Variants in AK4 observed in about 807,000 individuals in gnomAD.
AK4 encodes the protein adenylate kinase 4, mitochondrial.
In AK4, 13 loss-of-function variants were observed where a neutral mutation model predicts 24.6. The observed-to-expected ratio is 0.53, with a 90% CI of 0.34 to 0.84. The LOEUF (loss-of-function observed/expected upper bound fraction) is 0.84, where lower values mean the gene tolerates loss of function less well. AK4 is among the 40% of genes least tolerant of loss of function. The pLI, the probability that AK4 is intolerant of heterozygous loss-of-function variation, is 0.01. For synonymous variants in AK4, 88 were observed against 107.0 expected (o/e 0.82, Z 1.10); for missense variants, 192 against 288.2 (o/e 0.67, Z 2.42).
At chr1:65,187,769 T>C (rs1651153393) in intron 1 of AK4, among the ~76,000 whole-genome samples, 1 of 152,220 alleles carries the variant, frequency 6.6e-6, no homozygotes, top group Admixed American at 6.5e-5. Flanking sequence ...GGTTTAAATA[T>C]CTGTAAGCTG....
intron 1 of AK4, among the ~76,000 whole-genome samples, chr1:65,169,420 G>C (rs1055735953): frequency 6.6e-6 from 1 of 152,012 alleles, no homozygotes; most frequent in Non-Finnish European, 1.5e-5. Flanking sequence ...AAGAGTGTAG[G>C]CTCTGGATTT....
intron 2 of AK4, among the ~76,000 whole-genome samples, chr1:65,192,088 T>C (rs896261110): frequency 2.6e-5 from 4 of 152,230 alleles, no homozygotes; most frequent in African/African-American, 4.8e-5. Flanking sequence ...ACTCTACTTT[T>C]AACTCACAGA....
In AK4 at chr1:65,178,110, A is replaced by C. The variant is rs79113072; in HGVS notation, c.146-12600A>C. 9.7e-3 allele frequency among the ~76,000 whole-genome samples: 1,475 copies of C among 152,192 alleles called. 25 individuals carry two copies. Among genetic ancestry groups the C allele is most frequent in the African/African-American group, 0.034 (1,419 of 41,528 alleles). ...TCTAATAATTTGTAGGGTCCTGTGG[A>C]TGGGAAGGTGGAAGAGTTCAAAGGT... On this transcript the variant is annotated intron_variant, in intron 1 of 4. Transcript: ENST00000327299.
intron 1 of AK4, among the ~76,000 whole-genome samples, chr1:65,183,657 G>A (rs1384160814): frequency 3.0e-5 from 1 of 32,896 alleles, no homozygotes; most frequent in African/African-American, 9.5e-5. Flanking sequence ...ATCCGTGTGT[G>A]TGTGTGTGTG....
At chr1:65,171,406 C>T (rs368253908) in intron 1 of AK4, among the ~76,000 whole-genome samples, 35 of 146,526 alleles carry the variant, frequency 2.4e-4, no homozygotes, top group South Asian at 1.8e-3. Flanking sequence ...CCTCCCTGGT[C>T]AAGCGATTCT....
At chr1:65,211,956 G>A (rs1651984505) in intron 2 of AK4, among the ~76,000 whole-genome samples, 2 of 152,338 alleles carry the variant, frequency 1.3e-5, no homozygotes, top group East Asian at 3.9e-4. Context: ...CACCACTGGA[G>A]CCAAGATTTG....
intron 2 of AK4, among the ~76,000 whole-genome samples, chr1:65,200,155 C>T (rs1482366630): frequency 4.0e-5 from 5 of 125,782 alleles, no homozygotes; most frequent in African/African-American, 1.5e-4. Flanking sequence ...TTTTTGCTGC[C>T]CAGGCTGGAG....
At chr1:65,175,775 C>T (rs76976365) in intron 1 of AK4, among the ~76,000 whole-genome samples, 250 of 152,276 alleles carry the variant, frequency 1.6e-3, no homozygotes, top group Non-Finnish European at 2.8e-3. Context: ...GACGGTTAAA[C>T]ATTCTGGGTT....
chr1:65,174,976 G>C (rs1005132862), intron 1 of AK4, among the ~76,000 whole-genome samples: 2 of 152,044 alleles, frequency 1.3e-5, no homozygotes, highest in African/African-American at 4.8e-5. Context: ...TGTGCTCCAT[G>C]GTAGGAATTA....
chr1:65,157,164 A>G (rs963196448), intron 1 of AK4, among the ~76,000 whole-genome samples: 3 of 152,158 alleles, frequency 2.0e-5, no homozygotes, highest in Non-Finnish European at 4.4e-5. Flanking sequence ...TGTTTTGGTT[A>G]AAGTATTTGA....
At chr1:65,153,755 A>T (rs1300010112) in intron 1 of AK4, among the ~76,000 whole-genome samples, 1 of 152,196 alleles carries the variant, frequency 6.6e-6, no homozygotes, top group Non-Finnish European at 1.5e-5. Flanking sequence ...AGGCCTCTCC[A>T]GGAGGTGAAT....
chr1:65,215,176 C>CT (rs1553127383), intron 2 of AK4, among the ~76,000 whole-genome samples: 1,514 of 114,650 alleles, frequency 0.013, 25 homozygotes, highest in African/African-American at 0.037. Context: ...TTCTTTCTTT[C>CT]TTTTTTTTTT....
intron 1 of AK4, among the ~76,000 whole-genome samples, chr1:65,155,564 T>A (rs945165527): frequency 2.6e-5 from 4 of 152,204 alleles, no homozygotes; most frequent in Non-Finnish European, 2.9e-5. Context: ...AGAAATAATA[T>A]GTATAAGTTA....
chr1:65,209,973 AATTTTAAATT>A (rs1251715722), intron 2 of AK4, among the ~76,000 whole-genome samples: 5 of 151,930 alleles, frequency 3.3e-5, no homozygotes, highest in Non-Finnish European at 7.4e-5. Context: ...ATGCCTGGCT[AATTTTAAATT>A]ATTTTGTAGA....
At chr1:65,225,849 C>G (rs1023131043) in intron 4 of AK4, among the ~76,000 whole-genome samples, 2 of 152,130 alleles carry the variant, frequency 1.3e-5, no homozygotes, top group Non-Finnish European at 2.9e-5. Context: ...AAAAAGGTGG[C>G]ATCATGACAA....
At chr1:65,159,671 C>T (rs1650090005) in intron 1 of AK4, among the ~76,000 whole-genome samples, 1 of 149,142 alleles carries the variant, frequency 6.7e-6, no homozygotes, top group African/African-American at 2.5e-5. Flanking sequence ...AAAACCTTCT[C>T]AAAAAGAAAA....
At chr1:65,199,409 C>T (rs866886937) in intron 2 of AK4, among the ~76,000 whole-genome samples, 4 of 151,882 alleles carry the variant, frequency 2.6e-5, no homozygotes, top group African/African-American at 4.8e-5. Flanking sequence ...ATTAGCTGTG[C>T]GTGGTGGTGG....
chr1:65,230,479 C>G lies in AK4; in HGVS notation c.*4302C>G, dbSNP rs1445690393. On this transcript the variant is annotated 3_prime_UTR_variant, in exon 5 of 5. Transcript: ENST00000327299. ...AATACCACATATTTCCAAGTGTGTT[C>G]AGGTATAGGCACTAGGTACTGTCTG... 1.3e-5 allele frequency: 2 copies of G among 152,136 alleles called. No homozygotes were observed. Among genetic ancestry groups the G allele is most frequent in the African/African-American group, 4.8e-5 (2 of 41,410 alleles). 9.4% of individuals were successfully genotyped at this position (152,136 alleles called of 1,614,324 possible). A position where few individuals can be genotyped will look rare whatever the true frequency, so the allele number is the denominator to read the frequency against.
At chr1:65,173,679 T>C (rs2101013977) in intron 1 of AK4, among the ~76,000 whole-genome samples, 1 of 152,142 alleles carries the variant, frequency 6.6e-6, no homozygotes, top group South Asian at 2.1e-4. Flanking sequence ...CTGGGCGGCA[T>C]GGTGGAACCT....
Sources: allele counts gnomAD v4.1 joint callset (sites outside exome capture counted in the v4.1 genomes callset), GRCh38; gene constraint gnomAD v4.1.1; transcripts MANE v1.5; gene names NCBI Gene and HGNC (gene_info 2026-07-23, HGNC 2026-07-21).